Variants in SOX5 observed in about 807,000 individuals in gnomAD.
SOX5 encodes SRY-box transcription factor 5.
Under a neutral mutation model 92.0 loss-of-function variants are expected in SOX5, and 9 were observed. That is an observed-to-expected ratio of 0.10 (90% CI 0.06 to 0.17). SOX5 has a LOEUF of 0.17. Ranked by LOEUF, SOX5 falls within the 10% of genes least tolerant of loss-of-function variation. The pLI, the probability that SOX5 is intolerant of heterozygous loss-of-function variation, is 1.00. For synonymous variants in SOX5, 344 were observed against 336.3 expected, an observed-to-expected ratio of 1.02 and a Z score of -0.25; for missense variants, 642 against 944.5, an observed-to-expected ratio of 0.68 and a Z score of 4.20.
chr12:23,778,940 C>T lies in SOX5; in HGVS notation c.482-23216G>A, dbSNP rs576905140. On this transcript the variant is annotated intron_variant, in intron 3 of 14. Coordinates refer to ENST00000451604, the MANE Select transcript of SOX5 (RefSeq NM_006940.6). Reference sequence around the variant, plus strand: ...AAAATTAGAACAAAGCACCTCAGATCAAAATGGTTAGATGACAGCACAATC... The same window carrying T: ...AAAATTAGAACAAAGCACCTCAGATTAAAATGGTTAGATGACAGCACAATC... 9.2e-5 allele frequency among the ~76,000 whole-genome samples: 14 copies of T among 152,212 alleles called. No individual in the cohort carries two copies. In the South Asian group the frequency reaches 1.9e-3, roughly 20 times the overall value.
At chr12:24,169,478 T>G (rs1953813370) in intron 4 of SOX5, among the ~76,000 whole-genome samples, 1 of 152,204 alleles carries the variant, frequency 6.6e-6, no homozygotes, top group African/African-American at 2.4e-5. Flanking sequence ...TTTAAGTAAG[T>G]GATACTTCAA....
intron 3 of SOX5, among the ~76,000 whole-genome samples, chr12:23,828,636 A>T (rs1022438382): frequency 2.0e-4 from 31 of 152,196 alleles, no homozygotes; most frequent in African/African-American, 7.0e-4. Flanking sequence ...GTAGAAGTGA[A>T]CTCATATATA....
chr12:24,256,596 C>G (rs1252325794), intron 3 of SOX5, among the ~76,000 whole-genome samples: 1 of 139,440 alleles, frequency 7.2e-6, no homozygotes, highest in Non-Finnish European at 1.5e-5. Context: ...CTTTCTTTCA[C>G]CAAATTGGAA....
At chr12:24,040,309 C>T (rs1216063108) in intron 4 of SOX5, among the ~76,000 whole-genome samples, 3 of 152,232 alleles carry the variant, frequency 2.0e-5, no homozygotes, top group East Asian at 1.9e-4. Flanking sequence ...TGAGTCTTTA[C>T]TTTCTAAACT....
At chr12:24,411,164 T>C (rs1459936669) in intron 1 of SOX5, among the ~76,000 whole-genome samples, 1 of 152,184 alleles carries the variant, frequency 6.6e-6, no homozygotes, top group Non-Finnish European at 1.5e-5. Context: ...GCTACCTTGC[T>C]AAACTCAAAT....
At chr12:23,844,163 C>T (rs545488559) in intron 3 of SOX5, among the ~76,000 whole-genome samples, 8 of 152,312 alleles carry the variant, frequency 5.3e-5, no homozygotes, top group Non-Finnish European at 1.0e-4. Context: ...TGTGGAGTAT[C>T]ATTGTTTACC....
chr12:24,363,671 A>G (rs1234611673), intron 2 of SOX5, among the ~76,000 whole-genome samples: 1 of 151,976 alleles, frequency 6.6e-6, no homozygotes. Context: ...TTTCCCCCTA[A>G]ATTCTACAGA....
chr12:23,778,138 CAACTGT>C (rs2095166330), intron 3 of SOX5, among the ~76,000 whole-genome samples: 1 of 152,184 alleles, frequency 6.6e-6, no homozygotes, highest in South Asian at 2.1e-4. Flanking sequence ...CCTAACTTTA[CAACTGT>C]AACCCAGTTT....
Position 23,896,006 on chromosome 12 carries a change from T to A in SOX5, c.57A>T (p.Pro19=). 2 of 1,613,214 alleles carry A rather than the reference T, an allele frequency of 1.2e-6. No homozygotes were observed. The highest frequency in any genetic ancestry group is 2.2e-5 in the South Asian group (2 of 91,078). Residue 19 remains proline (P), a synonymous_variant, in exon 2 of 15, where the codon CCA becomes CCT. Transcript: ENST00000451604. The stretch of plus-strand genomic sequence containing the variant: ...CATCTGCTTCCCCATACGGAGAGGC[T>A]GGTCGCTTGGAAGACATCCTGGAAG... The part of the protein sequence containing the change: ...QEFERMSSKR[P]ASPYGEADGE...
chr12:23,742,898 G>A (rs1398422867), intron 4 of SOX5, among the ~76,000 whole-genome samples: 1 of 152,082 alleles, frequency 6.6e-6, no homozygotes, highest in Non-Finnish European at 1.5e-5. Context: ...GTAGGCTGAG[G>A]TGGAAGGATC....
chr12:24,431,342 C>T (rs1435687764), intron 1 of SOX5, among the ~76,000 whole-genome samples: 1 of 152,090 alleles, frequency 6.6e-6, no homozygotes, highest in Non-Finnish European at 1.5e-5. Context: ...AGTAAATAGT[C>T]CACTGATGCT....
chr12:23,579,370 T>C (rs969339765), intron 9 of SOX5, among the ~76,000 whole-genome samples: 1 of 152,188 alleles, frequency 6.6e-6, no homozygotes, highest in Non-Finnish European at 1.5e-5. Context: ...ACCAGGCTAA[T>C]GGTATATTAA....
At chr12:24,185,176 C>T (rs1030928249) in intron 4 of SOX5, among the ~76,000 whole-genome samples, 1 of 152,090 alleles carries the variant, frequency 6.6e-6, no homozygotes, top group Non-Finnish European at 1.5e-5. Flanking sequence ...TATTACCATC[C>T]TTATTGAAAA....
intron 11 of SOX5, among the ~76,000 whole-genome samples, chr12:23,562,163 T>C (rs982665055): frequency 1.3e-5 from 2 of 152,194 alleles, no homozygotes; most frequent in African/African-American, 2.4e-5. Context: ...TCATACGTCT[T>C]ATGTTGTAAC....
chr12:23,950,064 G>A (rs1379254999), upstream of SOX5, among the ~76,000 whole-genome samples: 2 of 148,820 alleles, frequency 1.3e-5, no homozygotes, highest in African/African-American at 5.0e-5. Flanking sequence ...ACATACACAC[G>A]CAGAACAGTA....
intron 2 of SOX5, among the ~76,000 whole-genome samples, chr12:24,329,720 G>A (rs1951083198): frequency 1.3e-5 from 2 of 151,392 alleles, no homozygotes; most frequent in African/African-American, 2.4e-5. Context: ...AGGGAAAATG[G>A]TATTTAAAAT....
At chr12:23,798,642 C>T (rs2095608418) in intron 3 of SOX5, among the ~76,000 whole-genome samples, 1 of 149,370 alleles carries the variant, frequency 6.7e-6, no homozygotes, top group African/African-American at 2.5e-5. Flanking sequence ...AACACACACA[C>T]ACACACATTT....
chr12:24,034,483 G>C (rs971907065), intron 4 of SOX5, among the ~76,000 whole-genome samples: 5 of 152,038 alleles, frequency 3.3e-5, no homozygotes, highest in African/African-American at 9.6e-5. Flanking sequence ...CATAGGAATG[G>C]GGGCAAAGGA....
At chr12:23,741,178 A>G (rs1314516460) in intron 4 of SOX5, 139 bp from the exon 5 acceptor site, 30 of 550,502 alleles carry the variant, frequency 5.4e-5, no homozygotes, top group Non-Finnish European at 7.2e-5. Flanking sequence ...CTTCTTTTAC[A>G]TTTTCACGCA....
Sources: gnomAD v4.1 joint callset for allele counts (sites outside exome capture counted in the v4.1 genomes callset) on GRCh38, gnomAD v4.1.1 for gene constraint, MANE v1.5 for transcripts, NCBI Gene and HGNC (gene_info 2026-07-23, HGNC 2026-07-21) for gene names.